TUBGCP3: variants seen among roughly 807,000 people sequenced by gnomAD.
TUBGCP3 encodes the protein tubulin gamma complex component 3.
Under a neutral mutation model 123.1 loss-of-function variants are expected in TUBGCP3, and 50 were observed. That is an observed-to-expected ratio of 0.41 (90% CI 0.32 to 0.51). The LOEUF (loss-of-function observed/expected upper bound fraction) is 0.51. Ranked by LOEUF, TUBGCP3 falls within the 20% of genes least tolerant of loss-of-function variation. The probability of loss-of-function intolerance (pLI) is 0.36; values close to 1 mark genes in which losing one functional copy is unlikely to be tolerated. For synonymous variants in TUBGCP3, 405 were observed against 413.9 expected (o/e 0.98, Z 0.26); for missense variants, 882 against 1,127.0 (o/e 0.78, Z 3.11).
upstream of TUBGCP3, among the ~76,000 whole-genome samples, chr13:112,589,351 C>A (rs952016245): frequency 6.6e-6 from 1 of 152,194 alleles, no homozygotes; most frequent in Non-Finnish European, 1.5e-5. Flanking sequence ...CATGCAAGAA[C>A]CCCCCTCACT....
chr13:112,598,618 G>A, the TUBGCP3 span, among the ~76,000 whole-genome samples: 1 of 152,138 alleles, frequency 6.6e-6, no homozygotes, highest in Non-Finnish European at 1.5e-5. Flanking sequence ...ATTAAGTGAA[G>A]AGTGAAAATA....
intron 2 of TUBGCP3, among the ~76,000 whole-genome samples, chr13:112,565,964 G>T (rs1400317090): frequency 6.6e-6 from 1 of 151,770 alleles, no homozygotes; most frequent in Non-Finnish European, 1.5e-5. Context: ...ACACAGCAAT[G>T]TGTCATCTTG....
At chr13:112,549,170 T>C (rs1879329845) in intron 8 of TUBGCP3, among the ~76,000 whole-genome samples, 1 of 151,816 alleles carries the variant, frequency 6.6e-6, no homozygotes, top group African/African-American at 2.4e-5. Context: ...AAATGATGAG[T>C]TCATGTCCTT....
chr13:112,580,754 C>G (rs1321145872), intron 1 of TUBGCP3, among the ~76,000 whole-genome samples: 1 of 152,158 alleles, frequency 6.6e-6, no homozygotes, highest in Non-Finnish European at 1.5e-5. Flanking sequence ...ACCAGAATAT[C>G]TATATCTGAC....
At chr13:112,520,775 G>T (rs1876551504) in intron 14 of TUBGCP3, among the ~76,000 whole-genome samples, 1 of 152,108 alleles carries the variant, frequency 6.6e-6, no homozygotes, top group Non-Finnish European at 1.5e-5. Context: ...TTTCTTGAGG[G>T]TTACTGATAT....
At chr13:112,522,942 T>C (rs933799618) in intron 13 of TUBGCP3, among the ~76,000 whole-genome samples, 4 of 152,188 alleles carry the variant, frequency 2.6e-5, no homozygotes, top group Admixed American at 6.5e-5. Context: ...AGTAGTATCA[T>C]GCACCATAGA....
intron 17 of TUBGCP3, among the ~76,000 whole-genome samples, chr13:112,504,993 A>G (rs1245015281): frequency 2.6e-5 from 4 of 152,256 alleles, no homozygotes; most frequent in African/African-American, 9.6e-5. Flanking sequence ...AAAATTAAAT[A>G]CAAAACATTT....
upstream of TUBGCP3, chr13:112,588,272 T>G: frequency 3.7e-6 from 1 of 271,046 alleles, no homozygotes; most frequent in Non-Finnish European, 6.9e-6. Context: ...GCCGAGAAAG[T>G]TCCGGGCGAC....
At chr13:112,538,371 T>C (rs1399174957) in intron 11 of TUBGCP3, among the ~76,000 whole-genome samples, 1 of 152,236 alleles carries the variant, frequency 6.6e-6, no homozygotes, top group Non-Finnish European at 1.5e-5. Flanking sequence ...TAAATGTGTC[T>C]TGCTGTGGTG....
At chr13:112,560,501 G>C (rs1328696285) in intron 3 of TUBGCP3, among the ~76,000 whole-genome samples, 2 of 152,016 alleles carry the variant, frequency 1.3e-5, no homozygotes, top group Non-Finnish European at 2.9e-5. Context: ...CTATGCAAGG[G>C]TTATCATACA....
At chr13:112,527,607 C>A (rs1877241781) in intron 11 of TUBGCP3, 123 bp from the exon 12 acceptor site, 2 of 640,876 alleles carry the variant, frequency 3.1e-6, no homozygotes, top group Non-Finnish European at 5.5e-6. Context: ...GGAGTCTTAC[C>A]TATTTATACA....
intron 5 of TUBGCP3, among the ~76,000 whole-genome samples, chr13:112,556,444 G>A (rs906312071): frequency 1.1e-4 from 17 of 151,994 alleles, no homozygotes; most frequent in African/African-American, 3.4e-4. Flanking sequence ...CCTAGCATTC[G>A]GACCCAACAC....
intron 1 of TUBGCP3, among the ~76,000 whole-genome samples, chr13:112,571,536 T>C (rs947992833): frequency 6.6e-6 from 1 of 152,186 alleles, no homozygotes; most frequent in African/African-American, 2.4e-5. Flanking sequence ...CCCAGGATTT[T>C]TGGAATGGTC....
chr13:112,488,131 C>CA (rs35453839), intron 21 of TUBGCP3, among the ~76,000 whole-genome samples: 7,221 of 53,004 alleles, frequency 0.14, 889 homozygotes, highest in African/African-American at 0.35. Flanking sequence ...GACTTGGTCT[C>CA]AAAAAAAAAA....
intron 20 of TUBGCP3, among the ~76,000 whole-genome samples, chr13:112,492,832 T>C (rs930818528): frequency 5.3e-4 from 49 of 92,118 alleles, no homozygotes; most frequent in Admixed American, 5.1e-3. Flanking sequence ...TATGGGAACA[T>C]GGCCTGGTGT....
At chr13:112,547,153 A>G (rs9604354) in intron 10 of TUBGCP3, 33,364 of 324,986 alleles carry the variant, frequency 0.1, 3,266 homozygotes, top group African/African-American at 0.33. Flanking sequence ...ACCGAGAGTC[A>G]CCAACATGGT....
chr13:112,599,150 G>A, the TUBGCP3 span, among the ~76,000 whole-genome samples: 1 of 152,264 alleles, frequency 6.6e-6, no homozygotes, highest in African/African-American at 2.4e-5. Context: ...GTATTATCAC[G>A]GGTGCATACT....
intron 1 of TUBGCP3, among the ~76,000 whole-genome samples, chr13:112,574,730 T>C (rs749521681): frequency 2.0e-5 from 3 of 152,192 alleles, no homozygotes; most frequent in Non-Finnish European, 4.4e-5. Context: ...CTCTGAACAA[T>C]GGGTAAGAGA....
chr13:112,499,237 T>C (rs1426066127), intron 19 of TUBGCP3, 52 bp from the exon 20 acceptor site: 5 of 1,541,800 alleles, frequency 3.2e-6, no homozygotes, highest in Non-Finnish European at 4.4e-6. Flanking sequence ...GCTAAGTTTC[T>C]TAAACAAAAC....
Sources: gnomAD v4.1 joint callset for allele counts (sites outside exome capture counted in the v4.1 genomes callset) on GRCh38, gnomAD v4.1.1 for gene constraint, MANE v1.5 for transcripts, NCBI Gene and HGNC (gene_info 2026-07-23, HGNC 2026-07-21) for gene names.